SKIC3: variants seen among roughly 807,000 people sequenced by gnomAD.
The protein encoded by SKIC3 is superkiller complex protein 3.
chr5:95,525,160 G>T, the SKIC3 span, among the ~76,000 whole-genome samples: 1 of 152,126 alleles, frequency 6.6e-6, no homozygotes, highest in Non-Finnish European at 1.5e-5. Flanking sequence ...TGAGATTACA[G>T]GTGTGAGCCA....
the SKIC3 span, chr5:95,520,783 C>G: frequency 6.2e-7 from 1 of 1,612,194 alleles, no homozygotes; most frequent in Non-Finnish European, 8.5e-7. Context: ...TCAACTAGAG[C>G]TGCTTTTGCC....
At chr5:95,527,804 G>C in the SKIC3 span, among the ~76,000 whole-genome samples, 4 of 152,296 alleles carry the variant, frequency 2.6e-5, no homozygotes, top group East Asian at 3.9e-4. Flanking sequence ...AGTCTTATAT[G>C]ATGAGTACTA....
At chr5:95,538,945 G>C in the SKIC3 span, among the ~76,000 whole-genome samples, 1 of 152,088 alleles carries the variant, frequency 6.6e-6, no homozygotes, top group Non-Finnish European at 1.5e-5. Flanking sequence ...AGCCAATTCA[G>C]TTTCTTTTTT....
At chr5:95,471,110 A>G in the SKIC3 span, among the ~76,000 whole-genome samples, 1 of 152,204 alleles carries the variant, frequency 6.6e-6, no homozygotes, top group African/African-American at 2.4e-5. Context: ...GCTATAATGA[A>G]TGTGAAAATA....
At chr5:95,523,238 T>C in the SKIC3 span, 10 of 1,613,798 alleles carry the variant, frequency 6.2e-6, no homozygotes, top group Middle Eastern at 1.6e-4. Flanking sequence ...AGCTTTCAAA[T>C]AGTATAGTCC....
the SKIC3 span, among the ~76,000 whole-genome samples, chr5:95,522,634 C>G: frequency 1.3e-5 from 2 of 151,992 alleles, no homozygotes; most frequent in Non-Finnish European, 2.9e-5. Context: ...CCCATAATCC[C>G]CCACCAGCAA....
At chr5:95,496,072 C>T in the SKIC3 span, among the ~76,000 whole-genome samples, 14 of 150,692 alleles carry the variant, frequency 9.3e-5, no homozygotes, top group African/African-American at 2.9e-4. Flanking sequence ...GGATGGAGTG[C>T]GGTGGCATGA....
At chr5:95,501,326 G>A in the SKIC3 span, among the ~76,000 whole-genome samples, 4 of 152,038 alleles carry the variant, frequency 2.6e-5, no homozygotes, top group Admixed American at 2.0e-4. Flanking sequence ...CATGTTCTAA[G>A]GATTTTACAC....
At chr5:95,490,503 TA>T in the SKIC3 span, among the ~76,000 whole-genome samples, 49 of 119,408 alleles carry the variant, frequency 4.1e-4, 1 homozygote, top group South Asian at 4.0e-3. Context: ...TATATATATA[TA>T]TTTTTTTTTT....
At chr5:95,472,563 A>G in the SKIC3 span, among the ~76,000 whole-genome samples, 1 of 151,992 alleles carries the variant, frequency 6.6e-6, no homozygotes, top group East Asian at 1.9e-4. Context: ...CCAGGGGGAA[A>G]ATGGGTGAGG....
chr5:95,514,438 T>A, the SKIC3 span, among the ~76,000 whole-genome samples: 1 of 152,134 alleles, frequency 6.6e-6, no homozygotes, highest in Non-Finnish European at 1.5e-5. Flanking sequence ...ATATGAAGAT[T>A]TTACAGAAAC....
chr5:95,553,703 GCGCC>G, the SKIC3 span, among the ~76,000 whole-genome samples: 2 of 152,290 alleles, frequency 1.3e-5, no homozygotes, highest in Non-Finnish European at 2.9e-5. Context: ...GGGATTACAG[GCGCC>G]CGCCACCACG....
At chr5:95,504,378 T>A in the SKIC3 span, among the ~76,000 whole-genome samples, 3 of 151,948 alleles carry the variant, frequency 2.0e-5, no homozygotes, top group Admixed American at 6.5e-5. Context: ...TAATTTCATG[T>A]GTACTTCCTT....
chr5:95,494,146 A>G, the SKIC3 span, among the ~76,000 whole-genome samples: 1 of 152,202 alleles, frequency 6.6e-6, no homozygotes, highest in African/African-American at 2.4e-5. Flanking sequence ...CTGTTTCTTG[A>G]AAATATGTGT....
the SKIC3 span, chr5:95,541,258 G>A: frequency 3.5e-5 from 55 of 1,575,414 alleles, no homozygotes; most frequent in African/African-American, 1.2e-4. Flanking sequence ...GAGTCACCGC[G>A]CCCAGCCCAT....
the SKIC3 span, among the ~76,000 whole-genome samples, chr5:95,475,772 C>T: frequency 3.3e-5 from 5 of 152,222 alleles, no homozygotes; most frequent in South Asian, 2.1e-4. Context: ...GTTTCACAGG[C>T]GTATACATTA....
At chr5:95,532,027 T>C in the SKIC3 span, among the ~76,000 whole-genome samples, 2 of 152,054 alleles carry the variant, frequency 1.3e-5, no homozygotes, top group Admixed American at 1.3e-4. Context: ...AAAAAATAGC[T>C]ACCAAACTCT....
the SKIC3 span, chr5:95,467,752 C>G: frequency 6.9e-7 from 1 of 1,446,406 alleles, no homozygotes; most frequent in Non-Finnish European, 9.3e-7. Flanking sequence ...TTTAAAAATT[C>G]AATCATAAAA....
At chr5:95,486,735 CTG>C in the SKIC3 span, among the ~76,000 whole-genome samples, 1 of 152,228 alleles carries the variant, frequency 6.6e-6, no homozygotes, top group Non-Finnish European at 1.5e-5. Context: ...AACACCGCAG[CTG>C]GCACTCACTT....
Sources: allele counts gnomAD v4.1 joint callset (sites outside exome capture counted in the v4.1 genomes callset), GRCh38; gene constraint gnomAD v4.1.1; transcripts MANE v1.5; gene names NCBI Gene and HGNC (gene_info 2026-07-23, HGNC 2026-07-21).